The following USP6 variants were observed in gnomAD, a reference collection of about 807,000 sequenced individuals.
The protein encoded by USP6 is ubiquitin specific peptidase 6.
USP6 carries 128 observed loss-of-function variants against 175.7 expected under a neutral mutation model. The observed-to-expected ratio is 0.73, with a 90% CI of 0.63 to 0.84. The LOEUF (loss-of-function observed/expected upper bound fraction) is 0.84. USP6 is among the 40% of genes least tolerant of loss of function. The pLI, the probability that USP6 is intolerant of heterozygous loss-of-function variation, is 0.00. For missense variants in USP6, 1,498 were observed against 1,760.3 expected (o/e 0.85, Z 2.67); for synonymous variants, 562 against 630.6 (o/e 0.89, Z 1.63).
At chr17:5,134,871 G>C in intron 15 of USP6, 1 of 344,528 alleles carries the variant, frequency 2.9e-6, no homozygotes, top group South Asian at 2.4e-5. Flanking sequence ...GGAAACCCTG[G>C]AGATTTGGAA....
chr17:5,150,650 A>T (rs1387856380), intron 30 of USP6, among the ~76,000 whole-genome samples: 1 of 151,946 alleles, frequency 6.6e-6, no homozygotes, highest in African/African-American at 2.4e-5. Flanking sequence ...ACACGCCACC[A>T]TGCCTGGCTA....
rs201324904 is a variant in USP6, at chr17:5,138,207, G to A, written c.1012G>A (p.Val338Met). 58 of 1,614,068 alleles carry A rather than the reference G, an allele frequency of 3.6e-5. No homozygotes were observed. The Admixed American group carries it at 5.3e-4, about 15-fold the overall frequency. ...TACCTGGGCCATGAACGATGACACC[G>A]TGCTCAAGCATCTTAGGGCCTCTAC... ...FDTWAMNDDT[V>M]LKHLRASTKK... is the part of the protein sequence containing the mutation. The change falls in exon 21 of 38, where the codon GTG (valine) becomes ATG (methionine). Residue 338 changes from valine to methionine, a missense_variant. Around this residue, in one of 2 missense-constraint regions of USP6, gnomAD observed 1,217 missense variants for 1,500.8 expected, o/e 0.81. Transcript: ENST00000574788.
intron 9 of USP6, 105 bp downstream of exon 9, chr17:5,130,194 CT>C: frequency 1.6e-6 from 1 of 623,424 alleles, no homozygotes; most frequent in Non-Finnish European, 2.9e-6. Flanking sequence ...GGGCTTCAGA[CT>C]GCAGAGACCC....
chr17:5,145,930 T>G (rs2073595185), intron 27 of USP6, 93 bp from the exon 28 acceptor site: 13 of 1,401,714 alleles, frequency 9.3e-6, no homozygotes, highest in African/African-American at 1.5e-5. Flanking sequence ...ATATTTGCTA[T>G]TATATTTACA....
At chr17:5,127,681 G>A (rs929509019) in intron 7 of USP6, 42 bp downstream of exon 7, 12 of 152,184 alleles carry the variant, frequency 7.9e-5, no homozygotes, top group African/African-American at 2.4e-4. Flanking sequence ...TGGAGGATTA[G>A]TTCTAGGGTC....
At chr17:5,136,803 C>G in intron 18 of USP6, 69 bp downstream of exon 18, 3 of 1,583,486 alleles carry the variant, frequency 1.9e-6, no homozygotes, top group Non-Finnish European at 2.6e-6. Context: ...AGCAGGGGGA[C>G]TGGAGTCCCT....
chr17:5,139,354 C>A lies in USP6; in HGVS notation c.1178C>A (p.Pro393Gln), dbSNP rs772079361. Reference sequence around the variant, plus strand: ...TATAGGCAGGCCCCTCCAGGCCCACCAGCCCAGTTCCAGCGGCCCATTTGC... The same window carrying A: ...TATAGGCAGGCCCCTCCAGGCCCACAAGCCCAGTTCCAGCGGCCCATTTGC... ...KGYRQAPPGP[P>Q]AQFQRPICSA... Residue 393 changes from proline (P) to glutamine (Q), a missense_variant, in exon 22 of 38, where the codon CCA becomes CAA. Pro to Gln is a moderately conservative substitution (Grantham distance 76). Transcript: ENST00000574788. 9 of 1,613,008 alleles carry A rather than the reference C, an allele frequency of 5.6e-6. No homozygotes were observed. The Admixed American group carries it at 8.3e-5, about 15-fold the overall frequency.
rs2073326192 is a variant in USP6 at position 5,138,290 on chromosome 17, T to C, written c.1078+17T>C. On this transcript the variant is annotated intron_variant, in intron 21 of 37. Coordinates refer to ENST00000574788, the MANE Select transcript of USP6 (RefSeq NM_001304284.2). ...CACCCCCAGGTGGGCTCCAGTGCCA[T>C]GTCCCCTCCCATGTCAGCCTCTGGG... 3.7e-6 allele frequency: 6 copies of C among 1,612,766 alleles called. No individual in the cohort carries two copies. The highest frequency in any genetic ancestry group is 4.2e-6 in the Non-Finnish European group (5 of 1,179,814).
chr17:5,137,973 C>G, intron 20 of USP6, 148 bp from the exon 21 acceptor site: 1 of 1,523,252 alleles, frequency 6.6e-7, no homozygotes, highest in East Asian at 2.3e-5. Flanking sequence ...GATCACCCCC[C>G]AGCCACAGTC....
chr17:5,161,688 C>T, intron 32 of USP6, 74 bp downstream of exon 32: 1 of 1,516,054 alleles, frequency 6.6e-7, no homozygotes. Context: ...CTAAGATTTC[C>T]AATTTTGAGA....
Position 5,170,773 on chromosome 17 carries a change from T to G in USP6, c.3812T>G (p.Leu1271Arg). 6.2e-7 allele frequency: 1 copy of G among 1,613,960 alleles called. No homozygotes were observed. The highest frequency in any genetic ancestry group is 8.5e-7 in the Non-Finnish European group (1 of 1,179,866). The change falls in exon 36 of 38, where the codon CTT becomes CGT. Residue 1271 changes from leucine to arginine, a missense_variant. By Grantham distance (102) the Leu-to-Arg change is moderately radical. Around this residue, in one of 2 missense-constraint regions of USP6, gnomAD observed 1,217 missense variants for 1,500.8 expected, o/e 0.81. Transcript: ENST00000574788. Reference sequence around the variant, plus strand: ...GAGGTAGCTTTGGCCAATGGATTCCTTTATGAGCATGAAGCATGTGGCAAT... The same window carrying G: ...GAGGTAGCTTTGGCCAATGGATTCCGTTATGAGCATGAAGCATGTGGCAAT... The part of the protein sequence containing the change: ...DHEVALANGF[L>R]YEHEACGNGC...
intron 30 of USP6, among the ~76,000 whole-genome samples, chr17:5,153,447 C>T (rs919441253): frequency 7.3e-5 from 11 of 151,398 alleles, no homozygotes; most frequent in Non-Finnish European, 1.0e-4. Context: ...CCACCACGCC[C>T]GGCTAATTTT....
rs779266345 is a variant in USP6 at position 5,137,646 on chromosome 17, C to G, written c.826-5C>G. 2.5e-6 allele frequency: 4 copies of G among 1,603,794 alleles called. No individual in the cohort carries two copies. In the South Asian group the frequency reaches 3.3e-5, roughly 13 times the overall value. Reference sequence around the variant, plus strand: ...CAGGTTCTCTCATACCTGCTGTCCCCACAGATCTCTCTCGGGCTCACCCTG... The same window carrying G: ...CAGGTTCTCTCATACCTGCTGTCCCGACAGATCTCTCTCGGGCTCACCCTG... On this transcript the variant is annotated splice_region_variant and splice_polypyrimidine_tract_variant and intron_variant, in intron 19 of 37. Coordinates refer to ENST00000574788, the MANE Select transcript of USP6 (RefSeq NM_001304284.2).
intron 31 of USP6, among the ~76,000 whole-genome samples, chr17:5,157,484 T>A (rs2073909036): frequency 6.6e-6 from 1 of 152,200 alleles, no homozygotes; most frequent in Non-Finnish European, 1.5e-5. Context: ...TTAATGAATG[T>A]TTTGTTTAGT....
rs550623072 is a variant in USP6, at chr17:5,167,993, T to C, written c.3098T>C (p.Leu1033Pro). 6.2e-6 allele frequency: 10 copies of C among 1,611,972 alleles called. No homozygotes were observed. The highest frequency in any genetic ancestry group is 3.3e-5 in the South Asian group (3 of 90,988). ...SRRAQAEPIN[L>P]DSCLRAFTSE... ...CGAGCGCAAGCCGAGCCCATCAACC[T>C]GGACAGCTGTCTCCGTGCTTTCACC... Residue 1033 changes from leucine to proline, a missense_variant, in exon 34 of 38, where the codon CTG becomes CCG. By Grantham distance (98) the Leu-to-Pro change is moderately conservative. Transcript: ENST00000574788.
rs1339700927 is a variant in USP6, at chr17:5,125,032, A to C, written c.-832A>C. ...CCAGTGAGCAAAGCTTCATCTGTAG[A>C]AACAGCCACTTCCCATCCCTCGCAT... On this transcript the variant is annotated 5_prime_UTR_variant, in exon 5 of 38. Transcript: ENST00000574788. The C allele has an allele frequency of 2.0e-5, 3 of 152,326 alleles. No homozygotes were observed. Among genetic ancestry groups the C allele is most frequent in the Non-Finnish European group, 2.9e-5 (2 of 68,102 alleles). 9.4% of individuals were successfully genotyped at this position (152,326 alleles called of 1,614,324 possible).
In USP6 at chr17:5,132,365, C is replaced by T. The variant is rs375256615; in HGVS notation, c.156-31C>T. On this transcript the variant is annotated intron_variant, in intron 11 of 37. Transcript: ENST00000574788. This position sits in a 1 kb window ranked among gnomAD's most constrained non-coding sequence, Gnocchi z 4.7. ...CTTGGGCGGCTCCAGGCCCTGTGCA[C>T]GTCCTCAGCTCTGCCTGGGTTGCCT... 31 of 1,612,036 alleles carry T rather than the reference C, an allele frequency of 1.9e-5. No homozygotes were observed. The highest frequency in any genetic ancestry group is 4.4e-5 in the South Asian group (4 of 90,996).
intron 31 of USP6, among the ~76,000 whole-genome samples, chr17:5,156,415 C>A (rs563188710): frequency 6.6e-6 from 1 of 152,138 alleles, no homozygotes; most frequent in African/African-American, 2.4e-5. Context: ...TCAAACGATT[C>A]TCCTGCCTCA....
intron 26 of USP6, 45 bp from the exon 27 acceptor site, chr17:5,145,360 C>G (rs770327085): frequency 6.6e-7 from 1 of 1,518,750 alleles, no homozygotes; most frequent in East Asian, 2.4e-5. Context: ...AGAAATGCCT[C>G]TCTTTTGGAT....
Sources: allele counts gnomAD v4.1 joint callset (sites outside exome capture counted in the v4.1 genomes callset), GRCh38; gene constraint gnomAD v4.1.1; regional missense constraint gnomAD v4.1.1; non-coding constraint Gnocchi (gnomAD v3.1); transcripts MANE v1.5; gene names NCBI Gene and HGNC (gene_info 2026-07-23, HGNC 2026-07-21).